Variants in ASTN2 observed in about 807,000 individuals in gnomAD.
ASTN2 encodes the protein astrotactin 2.
In ASTN2, 54 loss-of-function variants were observed where a neutral mutation model predicts 139.8. That is an observed-to-expected ratio of 0.39 (90% CI 0.31 to 0.48). The LOEUF (loss-of-function observed/expected upper bound fraction) is 0.48, where lower values mean the gene tolerates loss of function less well. ASTN2 is among the 20% of genes least tolerant of loss of function. The pLI is 0.95. For missense variants in ASTN2, 1,565 were observed against 1,725.1 expected, an observed-to-expected ratio of 0.91 and a Z score of 1.64; for synonymous variants, 756 against 719.5, an observed-to-expected ratio of 1.05 and a Z score of -0.81.
chr9:117,412,522 G>T (rs1831196270), intron 1 of ASTN2, among the ~76,000 whole-genome samples: 1 of 152,164 alleles, frequency 6.6e-6, no homozygotes, highest in East Asian at 1.9e-4. Flanking sequence ...AGTTAAAAAT[G>T]GCAAAGATTG....
intron 6 of ASTN2, among the ~76,000 whole-genome samples, chr9:117,017,039 A>G (rs1268301613): frequency 6.6e-6 from 1 of 151,768 alleles, no homozygotes; most frequent in African/African-American, 2.4e-5. Context: ...AAGTTGAGTT[A>G]GGGGTGTTTG....
At chr9:116,543,290 A>T (rs1851953467) in intron 19 of ASTN2, among the ~76,000 whole-genome samples, 1 of 146,526 alleles carries the variant, frequency 6.8e-6, no homozygotes, top group Admixed American at 6.9e-5. Context: ...AAAAAAAATT[A>T]GCTGGGCATG....
At chr9:116,659,284 C>T (rs1858417539) in intron 16 of ASTN2, among the ~76,000 whole-genome samples, 1 of 152,090 alleles carries the variant, frequency 6.6e-6, no homozygotes, top group South Asian at 2.1e-4. Context: ...TGAACATTTG[C>T]ATTCCAAGCA....
chr9:117,176,989 ACT>A (rs1316699326), intron 3 of ASTN2, among the ~76,000 whole-genome samples: 6 of 152,114 alleles, frequency 3.9e-5, no homozygotes, highest in Non-Finnish European at 8.8e-5. Context: ...TTCAAATTAG[ACT>A]CTGAGCATTC....
intron 1 of ASTN2, among the ~76,000 whole-genome samples, chr9:117,346,759 A>C (rs1047759333): frequency 2.6e-5 from 4 of 152,132 alleles, no homozygotes; most frequent in Non-Finnish European, 5.9e-5. Context: ...GATACATATG[A>C]TACATGGGTA....
At position 117,329,180 on chromosome 9, in the gene ASTN2, C is replaced by CTTT. The variant is rs749880987; in HGVS notation, c.443-37670_443-37668dup. Reference sequence around the variant, plus strand: ...AGGTAACCTACTGCACTTCCAAGTTCTTTTTTTTTTTTTTTTTTTTTTTTT... The same window carrying CTTT: ...AGGTAACCTACTGCACTTCCAAGTTCTTTTTTTTTTTTTTTTTTTTTTTTTTTT... On this transcript the variant is annotated intron_variant, in intron 1 of 22. Coordinates refer to ENST00000313400, the MANE Select transcript of ASTN2 (RefSeq NM_001365068.1). Among the ~76,000 whole-genome samples the CTTT allele has an allele frequency of 6.7e-4, 55 of 82,552 alleles. 1 individual carries two copies. Among genetic ancestry groups the CTTT allele is most frequent in the African/African-American group, 1.2e-3 (25 of 21,176 alleles). The allele number at this position is 82,552 out of a possible 152,430, so 54.2% of individuals were successfully genotyped here. A position where few individuals can be genotyped will look rare whatever the true frequency, so the allele number is the denominator to read the frequency against.
At chr9:117,037,405 A>G (rs903074556) in intron 6 of ASTN2, among the ~76,000 whole-genome samples, 23 of 152,162 alleles carry the variant, frequency 1.5e-4, no homozygotes, top group African/African-American at 5.3e-4. Context: ...ACCATGATAA[A>G]AAAGTAGGTG....
At chr9:116,430,405 T>G (rs1259820014) in intron 22 of ASTN2, among the ~76,000 whole-genome samples, 13 of 152,188 alleles carry the variant, frequency 8.5e-5, no homozygotes, top group Admixed American at 7.9e-4. Flanking sequence ...CTTACAGCTA[T>G]GTGGTTCATG....
chr9:116,720,253 C>T (rs1828434341), intron 16 of ASTN2, among the ~76,000 whole-genome samples: 1 of 152,054 alleles, frequency 6.6e-6, no homozygotes, highest in South Asian at 2.1e-4. Context: ...AAATGCAATC[C>T]CTTGGACAGT....
intron 19 of ASTN2, among the ~76,000 whole-genome samples, chr9:116,520,714 T>A: frequency 6.6e-6 from 1 of 151,994 alleles, no homozygotes; most frequent in African/African-American, 2.4e-5. Context: ...CCAAACTCTC[T>A]CTGTTTACTG....
intron 19 of ASTN2, among the ~76,000 whole-genome samples, chr9:116,539,408 TACTA>T (rs1228942568): frequency 6.6e-6 from 1 of 151,998 alleles, no homozygotes; most frequent in East Asian, 1.9e-4. Context: ...AATGTAACAT[TACTA>T]ACTGTCTGGC....
At chr9:116,538,779 T>C (rs1851754946) in intron 19 of ASTN2, among the ~76,000 whole-genome samples, 1 of 152,208 alleles carries the variant, frequency 6.6e-6, no homozygotes, top group African/African-American at 2.4e-5. Flanking sequence ...TATCATCACC[T>C]GTGCTTATGT....
intron 2 of ASTN2, among the ~76,000 whole-genome samples, chr9:117,250,930 A>C (rs888174803): frequency 6.6e-6 from 1 of 152,170 alleles, no homozygotes; most frequent in African/African-American, 2.4e-5. Flanking sequence ...AAGACAGGAA[A>C]ACCCTGAGTC....
Position 116,425,989 on chromosome 9 carries a change from G to A in ASTN2, c.3882C>T (p.Pro1294=). 1 of 1,614,164 alleles carries A rather than the reference G, an allele frequency of 6.2e-7. No individual in the cohort carries two copies. Among genetic ancestry groups the A allele is most frequent in the Non-Finnish European group, 8.5e-7 (1 of 1,180,032 alleles). Residue 1294 remains proline (P), a synonymous_variant, in exon 23 of 23, where the codon CCC becomes CCT. Transcript: ENST00000313400. ...CCTCCTCGCTGCGGCAGAAAAGATA[G>A]GGCACTGTTTCCACGCGGCTCTGGA... ...AYIQSRVETV[P]YLFCRSEEVR...
intron 20 of ASTN2, among the ~76,000 whole-genome samples, chr9:116,479,542 T>A (rs754879210): frequency 8.6e-5 from 13 of 151,814 alleles, no homozygotes; most frequent in African/African-American, 2.9e-4. Context: ...CACATGGGAG[T>A]CTGACAGTGC....
At position 116,847,610 on chromosome 9, in the gene ASTN2, T is replaced by A. The variant is rs114206605; in HGVS notation, c.2040+15973A>T. Among the ~76,000 whole-genome samples the A allele has an allele frequency of 8.3e-3, 1,271 of 152,320 alleles. 27 individuals carry two copies. The highest frequency in any genetic ancestry group is 0.029 in the African/African-American group (1,195 of 41,572). ...TATCATGTGCCAGGCACTGTTTCGA[T>A]GTGTTTTGAATATTAACTCATTATG... On this transcript the variant is annotated intron_variant, in intron 11 of 22. Transcript: ENST00000313400.
At chr9:117,313,445 T>C (rs1297595738) in intron 1 of ASTN2, among the ~76,000 whole-genome samples, 2 of 152,116 alleles carry the variant, frequency 1.3e-5, no homozygotes, top group Admixed American at 1.3e-4. Flanking sequence ...AGAAGTGCAG[T>C]CCCAGAGACA....
chr9:116,530,112 T>C (rs1851264337), intron 19 of ASTN2, among the ~76,000 whole-genome samples: 1 of 28,140 alleles, frequency 3.6e-5, no homozygotes, highest in Non-Finnish European at 6.9e-5. Flanking sequence ...TATATATATA[T>C]ATATATATAT....
intron 14 of ASTN2, among the ~76,000 whole-genome samples, chr9:116,729,993 A>G (rs1426190078): frequency 6.6e-6 from 1 of 152,210 alleles, no homozygotes; most frequent in Non-Finnish European, 1.5e-5. Flanking sequence ...GTGTTAGCAA[A>G]TGATTAACTT....
Sources: allele counts gnomAD v4.1 joint callset (sites outside exome capture counted in the v4.1 genomes callset), GRCh38; gene constraint gnomAD v4.1.1; transcripts MANE v1.5; gene names NCBI Gene and HGNC (gene_info 2026-07-23, HGNC 2026-07-21).